Variants in MTUS2 observed in about 807,000 individuals in gnomAD.
The protein encoded by MTUS2 is microtubule associated scaffold protein 2, also known as microtubule-associated tumor suppressor candidate 2.
A neutral mutation model predicts 114.1 loss-of-function variants in MTUS2; 40 were observed. The observed-to-expected ratio is 0.35, with a 90% CI of 0.27 to 0.46. The LOEUF is 0.46. MTUS2 is among the 20% of genes least tolerant of loss of function. MTUS2 has a pLI of 1.00. For synonymous variants in MTUS2, 688 were observed against 672.0 expected (o/e 1.02, Z -0.37); for missense variants, 1,679 against 1,705.4 (o/e 0.98, Z 0.27).
chr13:28,821,539 C>A (rs1873902610), intron 1 of MTUS2, among the ~76,000 whole-genome samples: 1 of 152,224 alleles, frequency 6.6e-6, no homozygotes, highest in South Asian at 2.1e-4. Context: ...CCAGTACTCA[C>A]ATTTATGGCT....
chr13:28,946,304 T>TGCGCGCGC (rs76454431), intron 2 of MTUS2, among the ~76,000 whole-genome samples: 7 of 150,216 alleles, frequency 4.7e-5, no homozygotes, highest in African/African-American at 1.7e-4. Flanking sequence ...TGTGTGTGTG[T>TGCGCGCGC]GCGCGCGCAC....
intron 2 of MTUS2, among the ~76,000 whole-genome samples, chr13:28,883,804 A>G (rs1878432266): frequency 6.6e-6 from 1 of 152,184 alleles, no homozygotes; most frequent in African/African-American, 2.4e-5. Context: ...TCATTAGGAA[A>G]ATGCAAACCA....
chr13:29,132,083 A>G (rs1266171988), intron 5 of MTUS2, among the ~76,000 whole-genome samples: 3 of 152,232 alleles, frequency 2.0e-5, no homozygotes, highest in African/African-American at 7.2e-5. Flanking sequence ...AAATATTGAC[A>G]TGACCCCAGA....
intron 8 of MTUS2, among the ~76,000 whole-genome samples, chr13:29,407,019 G>A (rs1874806693): frequency 6.6e-6 from 1 of 152,194 alleles, no homozygotes; most frequent in Non-Finnish European, 1.5e-5. Context: ...GCCAAAGCGG[G>A]TGATCACTTG....
At chr13:29,382,281 G>T (rs1372571187) in intron 8 of MTUS2, among the ~76,000 whole-genome samples, 3 of 152,188 alleles carry the variant, frequency 2.0e-5, no homozygotes, top group Non-Finnish European at 4.4e-5. Flanking sequence ...CCTCTGAGTG[G>T]AGGGTGATCT....
At chr13:29,372,436 T>G (rs1317444140) in intron 8 of MTUS2, among the ~76,000 whole-genome samples, 1 of 152,254 alleles carries the variant, frequency 6.6e-6, no homozygotes, top group African/African-American at 2.4e-5. Flanking sequence ...GATTTCTTGC[T>G]GCCCTAAATT....
In MTUS2 at chr13:29,503,217, C is replaced by T. The variant is rs1476206863; in HGVS notation, c.*11C>T. On this transcript the variant is annotated 3_prime_UTR_variant, in exon 16 of 16. Transcript: ENST00000612955. ...ACAACACCCAGATGACGCCACTACA[C>T]GGCCTGCGGGAGCTCCGGCTTCTCG... is the stretch of plus-strand genomic sequence containing the variant. 1.9e-6 allele frequency: 3 copies of T among 1,612,636 alleles called. No individual in the cohort carries two copies. The highest frequency in any genetic ancestry group is 1.7e-6 in the Non-Finnish European group (2 of 1,179,860).
At chr13:28,953,401 T>C (rs1882907345) in intron 2 of MTUS2, among the ~76,000 whole-genome samples, 1 of 152,094 alleles carries the variant, frequency 6.6e-6, no homozygotes, top group Non-Finnish European at 1.5e-5. Flanking sequence ...CCCAGCTACT[T>C]GGGAGACTGA....
chr13:29,216,308 G>A (rs185640373), intron 5 of MTUS2, among the ~76,000 whole-genome samples: 1 of 152,306 alleles, frequency 6.6e-6, no homozygotes, highest in Non-Finnish European at 1.5e-5. Context: ...TAGCTTGCTG[G>A]GCTCCATGGG....
chr13:29,422,249 C>T (rs12427512), intron 8 of MTUS2, among the ~76,000 whole-genome samples: 37,094 of 152,020 alleles, frequency 0.24, 4,873 homozygotes, highest in African/African-American at 0.34. Flanking sequence ...GTTCATGACC[C>T]CTCATAATCA....
intron 2 of MTUS2, among the ~76,000 whole-genome samples, chr13:28,995,475 A>G (rs1354444868): frequency 3.9e-5 from 6 of 152,130 alleles, no homozygotes; most frequent in Non-Finnish European, 7.3e-5. Context: ...CATTGAATCT[A>G]TAAATTACCT....
At chr13:29,347,229 C>T (rs1226826396) in intron 7 of MTUS2, among the ~76,000 whole-genome samples, 8 of 152,152 alleles carry the variant, frequency 5.3e-5, no homozygotes, top group Non-Finnish European at 1.5e-5. Flanking sequence ...TCTTCTTCTG[C>T]TTATACTGGG....
chr13:28,857,603 A>G (rs1876718289), intron 2 of MTUS2, among the ~76,000 whole-genome samples: 1 of 152,258 alleles, frequency 6.6e-6, no homozygotes, highest in Non-Finnish European at 1.5e-5. Flanking sequence ...TGCCCTTTTC[A>G]AGTGTTTTAA....
rs1053985710 is a variant in MTUS2, at chr13:28,966,742, A to C, written c.-242-57715A>C. ...CCTGTCTCAAAAAAAAAAAAAAAAA[A>C]AAAAAACAAAGAACTGATTATTATT... On this transcript the variant is annotated intron_variant, in intron 2 of 15. Coordinates refer to ENST00000612955, the MANE Select transcript of MTUS2 (RefSeq NM_001033602.4). Among the ~76,000 whole-genome samples, 61 of 151,408 alleles carry C rather than the reference A, an allele frequency of 4.0e-4. 1 individual carries two copies. Among genetic ancestry groups the C allele is most frequent in the Admixed American group, 3.3e-3 (50 of 15,232 alleles).
chr13:29,119,835 C>T (rs1303573810), intron 5 of MTUS2, among the ~76,000 whole-genome samples: 5 of 152,196 alleles, frequency 3.3e-5, no homozygotes, highest in Admixed American at 1.3e-4. Context: ...CTCACAGACA[C>T]ACCTAGAAAT....
intron 4 of MTUS2, among the ~76,000 whole-genome samples, chr13:29,098,420 G>T (rs984469382): frequency 4.6e-5 from 7 of 151,696 alleles, no homozygotes; most frequent in African/African-American, 7.3e-5. Context: ...GAGAGTTGGG[G>T]CAAGGTATAC....
chr13:29,028,598 C>T (rs1886672218), intron 3 of MTUS2, among the ~76,000 whole-genome samples: 1 of 151,824 alleles, frequency 6.6e-6, no homozygotes, highest in African/African-American at 2.4e-5. Context: ...CTCCCTCACT[C>T]CCTTTAGGTC....
intron 1 of MTUS2, among the ~76,000 whole-genome samples, chr13:28,838,984 CT>C (rs1269435510): frequency 1.4e-5 from 2 of 139,788 alleles, no homozygotes; most frequent in Non-Finnish European, 1.5e-5. Flanking sequence ...TTCATAATCA[CT>C]GGGGTTTTCA....
At chr13:28,999,860 A>G (rs143064242) in intron 2 of MTUS2, among the ~76,000 whole-genome samples, 1 of 152,226 alleles carries the variant, frequency 6.6e-6, no homozygotes, top group Non-Finnish European at 1.5e-5. Flanking sequence ...TATATGAGTG[A>G]CATAATGTGG....
Sources: allele counts gnomAD v4.1 joint callset (sites outside exome capture counted in the v4.1 genomes callset), GRCh38; gene constraint gnomAD v4.1.1; transcripts MANE v1.5; gene names NCBI Gene and HGNC (gene_info 2026-07-23, HGNC 2026-07-21).